Variants in ABCA13 observed in about 807,000 individuals in gnomAD.
ABCA13 encodes the protein ATP-binding cassette sub-family A member 13.
ABCA13 carries 476 observed loss-of-function variants against 478.7 expected under a neutral mutation model. That is an observed-to-expected ratio of 0.99 (90% CI 0.92 to 1.07). The LOEUF is 1.07. Among genes scored for constraint, ABCA13 ranks in the 50% least tolerant of loss-of-function variants. The pLI, the probability that ABCA13 is intolerant of heterozygous loss-of-function variation, is 0.00. For missense variants in ABCA13, 6,060 were observed against 5,910.6 expected (o/e 1.03, Z -0.83); for synonymous variants, 2,252 against 2,158.9 (o/e 1.04, Z -1.20).
intron 55 of ABCA13, among the ~76,000 whole-genome samples, chr7:48,543,475 T>C (rs1009519002): frequency 6.6e-6 from 1 of 151,176 alleles, no homozygotes; most frequent in Non-Finnish European, 1.5e-5. Flanking sequence ...AATACAAAAA[T>C]TGGCTGAGCA....
In ABCA13 at chr7:48,542,428, A is replaced by G. The variant is rs1039659516; in HGVS notation, c.14354+14083A>G. Among the ~76,000 whole-genome samples, 4 of 151,808 alleles carry G rather than the reference A, an allele frequency of 2.6e-5. 1 individual carries two copies. Among genetic ancestry groups the G allele is most frequent in the Admixed American group, 1.3e-4 (2 of 15,208 alleles). ...AAGTTCCTGCTATAAGACATAGTTT[A>G]AAAAATAGTATGAGTATTTATACTG... On this transcript the variant is annotated intron_variant, in intron 55 of 61. Transcript: ENST00000435803.
chr7:48,626,060 T>C (rs1793634318), intron 59 of ABCA13, among the ~76,000 whole-genome samples: 1 of 152,178 alleles, frequency 6.6e-6, no homozygotes, highest in Admixed American at 6.5e-5. Flanking sequence ...GTGAACGAAA[T>C]GCTGTGTTGT....
intron 3 of ABCA13, among the ~76,000 whole-genome samples, chr7:48,200,635 A>G (rs553178242): frequency 1.2e-4 from 19 of 152,276 alleles, no homozygotes; most frequent in African/African-American, 4.6e-4. Flanking sequence ...GAAATACAAA[A>G]TAAAATAGGG....
At chr7:48,509,772 C>T (rs1831516534) in intron 50 of ABCA13, among the ~76,000 whole-genome samples, 2 of 152,190 alleles carry the variant, frequency 1.3e-5, no homozygotes, top group African/African-American at 2.4e-5. Context: ...TTCATGTTGA[C>T]ACCTAATCCC....
intron 3 of ABCA13, among the ~76,000 whole-genome samples, chr7:48,207,429 A>T (rs950934666): frequency 6.6e-6 from 1 of 152,046 alleles, no homozygotes; most frequent in African/African-American, 2.4e-5. Flanking sequence ...AGTGTACAAG[A>T]GTTCCTTTTT....
At chr7:48,520,365 CT>C in intron 53 of ABCA13, 71 bp downstream of exon 53, 1 of 1,471,342 alleles carries the variant, frequency 6.8e-7, no homozygotes, top group Non-Finnish European at 9.1e-7. Flanking sequence ...AAAATTCATC[CT>C]GGAGGTTGTA....
rs534651317 is a variant in ABCA13 at position 48,462,030 on chromosome 7, G to A, written c.12816-4926G>A. Among the ~76,000 whole-genome samples, 267 of 152,164 alleles carry A rather than the reference G, an allele frequency of 1.8e-3. 5 individuals carry two copies. The highest frequency in any genetic ancestry group is 6.0e-3 in the African/African-American group (249 of 41,518). Reference sequence around the variant, plus strand: ...TAAGCCACATGGGGAGATATTTAGGGGTGTCAAAGAAGGTTTTTTAAGGCT... The same window carrying A: ...TAAGCCACATGGGGAGATATTTAGGAGTGTCAAAGAAGGTTTTTTAAGGCT... On this transcript the variant is annotated intron_variant, in intron 43 of 61. Coordinates refer to ENST00000435803, the MANE Select transcript of ABCA13 (RefSeq NM_152701.5).
chr7:48,348,183 G>A (rs1393623683), intron 29 of ABCA13, among the ~76,000 whole-genome samples: 1 of 152,182 alleles, frequency 6.6e-6, no homozygotes, highest in Non-Finnish European at 1.5e-5. Context: ...ATCCTTCCAC[G>A]TCAGTGCTGA....
chr7:48,200,711 G>A (rs1449591720), intron 3 of ABCA13, among the ~76,000 whole-genome samples: 2 of 152,140 alleles, frequency 1.3e-5, no homozygotes, highest in Admixed American at 6.5e-5. Context: ...AGTGAAGCAC[G>A]CTGTCAGTAG....
chr7:48,630,093 T>C (rs1438296687), intron 59 of ABCA13, among the ~76,000 whole-genome samples: 1 of 152,216 alleles, frequency 6.6e-6, no homozygotes, highest in African/African-American at 2.4e-5. Context: ...TTTTTGTTTT[T>C]GGATTACTAC....
intron 55 of ABCA13, among the ~76,000 whole-genome samples, chr7:48,553,292 T>C (rs1785494842): frequency 6.6e-6 from 1 of 152,088 alleles, no homozygotes; most frequent in Non-Finnish European, 1.5e-5. Context: ...AGATATCCCT[T>C]TTACATGCTG....
chr7:48,442,906 C>G (rs935605113), intron 42 of ABCA13, among the ~76,000 whole-genome samples: 1 of 152,114 alleles, frequency 6.6e-6, no homozygotes, highest in African/African-American at 2.4e-5. Flanking sequence ...GCTGGTGGTA[C>G]GGACTGAACT....
intron 55 of ABCA13, among the ~76,000 whole-genome samples, chr7:48,546,648 T>G (rs1262672991): frequency 2.0e-5 from 3 of 151,744 alleles, no homozygotes; most frequent in African/African-American, 7.2e-5. Context: ...TGGGATAAAC[T>G]GTTTTTTCCT....
At chr7:48,368,667 T>C (rs1812088992) in intron 32 of ABCA13, among the ~76,000 whole-genome samples, 2 of 135,710 alleles carry the variant, frequency 1.5e-5, no homozygotes, top group Admixed American at 7.6e-5. Flanking sequence ...GTATATCCCA[T>C]GGTGTGTGTG....
At position 48,645,504 on chromosome 7, in the gene ABCA13, C is replaced by A; in HGVS notation, c.15169C>A (p.Pro5057Thr). 1 of 1,579,878 alleles carries A rather than the reference C, an allele frequency of 6.3e-7. No homozygotes were observed. The highest frequency in any genetic ancestry group is 8.6e-7 in the Non-Finnish European group (1 of 1,161,368). The change falls in exon 62 of 62, where the codon CCC (proline) becomes ACC (threonine). Residue 5057 changes from proline to threonine, a missense_variant. This residue lies in a region of ABCA13 where 1,627 missense variants were observed against 1,571.0 expected (regional missense o/e 1.04). Transcript: ENST00000435803. Reference sequence around the variant, plus strand: ...TGACAGTCACCACACACATCACTTGCCCATCTGAGCACTAAAGAAGTTTCC... The same window carrying A: ...TGACAGTCACCACACACATCACTTGACCATCTGAGCACTAAAGAAGTTTCC... ...STDSHHTHHL[P>T]I is the part of the protein sequence containing the mutation.
intron 27 of ABCA13, among the ~76,000 whole-genome samples, chr7:48,321,098 G>C (rs766914802): frequency 6.6e-6 from 1 of 152,160 alleles, no homozygotes; most frequent in Non-Finnish European, 1.5e-5. Flanking sequence ...GGTTCAAACC[G>C]GGGTGGGGTT....
At chr7:48,348,617 A>ATG (rs369516987) in intron 29 of ABCA13, among the ~76,000 whole-genome samples, 1 of 152,152 alleles carries the variant, frequency 6.6e-6, no homozygotes, top group Non-Finnish European at 1.5e-5. Context: ...TTTCTATGAG[A>ATG]TGTGTGTGTG....
intron 55 of ABCA13, among the ~76,000 whole-genome samples, chr7:48,579,540 A>G (rs1788499920): frequency 6.6e-6 from 1 of 152,224 alleles, no homozygotes; most frequent in African/African-American, 2.4e-5. Flanking sequence ...AAATGGTACA[A>G]CCACTTTGGC....
chr7:48,333,061 A>C (rs1328977076), intron 27 of ABCA13, among the ~76,000 whole-genome samples: 1 of 151,964 alleles, frequency 6.6e-6, no homozygotes, highest in Non-Finnish European at 1.5e-5. Context: ...TCTTTCAGAG[A>C]CTCTAATGAC....
Sources: allele counts gnomAD v4.1 joint callset (sites outside exome capture counted in the v4.1 genomes callset), GRCh38; gene constraint gnomAD v4.1.1; regional missense constraint gnomAD v4.1.1; transcripts MANE v1.5; gene names NCBI Gene and HGNC (gene_info 2026-07-23, HGNC 2026-07-21).